Variants in MXRA8 observed in about 807,000 individuals in gnomAD.
MXRA8 encodes the protein matrix remodeling-associated protein 8.
A neutral mutation model predicts 51.4 loss-of-function variants in MXRA8; 44 were observed. That is an observed-to-expected ratio of 0.86 (90% CI 0.67 to 1.10). The LOEUF (loss-of-function observed/expected upper bound fraction) is 1.10. Ranked by LOEUF, MXRA8 falls within the 50% of genes least tolerant of loss-of-function variation. The pLI is 0.00. For synonymous variants in MXRA8, 369 were observed against 293.5 expected (o/e 1.26, Z -2.63); for missense variants, 765 against 638.9 (o/e 1.20, Z -2.13).
upstream of MXRA8, among the ~76,000 whole-genome samples, chr1:1,362,103 G>A (rs144372685): frequency 0.022 from 3,420 of 152,234 alleles, 63 homozygotes; most frequent in Non-Finnish European, 0.037. Flanking sequence ...CAGCGTCCCC[G>A]GCAGCCATGG....
In MXRA8 at chr1:1,353,205, A is replaced by G; in HGVS notation, c.*399T>C. 4 of 1,260,648 alleles carry G rather than the reference A, an allele frequency of 3.2e-6. No individual in the cohort carries two copies. The highest frequency in any genetic ancestry group is 4.5e-6 in the Non-Finnish European group (4 of 887,552). 78.1% of individuals were successfully genotyped at this position (1,260,648 alleles called of 1,614,324 possible). ...CTCCAGGAACATCTCCCAGCCCCCG[A>G]CGAGCAGAGCCCTGGAGGAGTGGGA... is the stretch of plus-strand genomic sequence containing the variant. On this transcript the variant is annotated 3_prime_UTR_variant, in exon 10 of 10. Transcript: ENST00000309212.
chr1:1,359,547 C>G, upstream of MXRA8: 1 of 985,384 alleles, frequency 1.0e-6, no homozygotes, highest in Non-Finnish European at 1.2e-6. Context: ...CCGAGGGCCC[C>G]AGCTGGGTGG....
At chr1:1,359,682 G>C (rs955095999), upstream of MXRA8, 17 of 648,484 alleles carry the variant, frequency 2.6e-5, no homozygotes, top group Non-Finnish European at 2.5e-5. Flanking sequence ...TGAGAGGAAC[G>C]GGCAGGACAC....
chr1:1,356,330 G>A (rs1644131241), intron 2 of MXRA8, among the ~76,000 whole-genome samples: 1 of 144,096 alleles, frequency 6.9e-6, no homozygotes, highest in Admixed American at 6.8e-5. Flanking sequence ...TGGGCCCCGA[G>A]GGCCCTGGTG....
In MXRA8 at chr1:1,355,060, GC is replaced by G; in HGVS notation, c.570del (p.His191ThrfsTer99). 6.2e-7 allele frequency: 1 copy of G among 1,603,532 alleles called. No homozygotes were observed. Among genetic ancestry groups the G allele is most frequent in the Non-Finnish European group, 8.5e-7 (1 of 1,176,932 alleles). ...TCCACGTGCCGGTCGGTCCACACGTGCCCGCGGTTCACGCAGGTCAGAAGCG... is the reference window on the plus strand; with the variant it reads ...TCCACGTGCCGGTCGGTCCACACGTGCCGCGGTTCACGCAGGTCAGAAGCG... Reference protein sequence around the residue: ...APALLTCVNRGHVWTDRHVEE... With the variant: ...APALLTCVNRXHVWTDRHVEE... On this transcript the variant is annotated frameshift_variant, in exon 5 of 10. Transcript: ENST00000309212. LOFTEE classifies it high-confidence loss of function.
Position 1,354,516 on chromosome 1 carries a change from G to A in MXRA8, c.950-7C>T, listed in dbSNP as rs1203123300. ...CCGCGCGCCAGTGTGGGGTCTGCGG[G>A]GAACGCGGGGTCGGGGCGGCGTCAG... On this transcript the variant is annotated splice_region_variant and splice_polypyrimidine_tract_variant and intron_variant, in intron 5 of 9. Coordinates refer to ENST00000309212, the MANE Select transcript of MXRA8 (RefSeq NM_032348.4). 5.0e-6 allele frequency: 8 copies of A among 1,610,112 alleles called. No homozygotes were observed. In the African/African-American group the frequency reaches 6.7e-5, roughly 13 times the overall value.
chr1:1,361,628 A>G, upstream of MXRA8: 4 of 386,454 alleles, frequency 1.0e-5, no homozygotes, highest in South Asian at 1.0e-4. Flanking sequence ...ACCAACACAG[A>G]CAGGGTTAGG....
upstream of MXRA8, among the ~76,000 whole-genome samples, chr1:1,361,071 AAC>A (rs1244552736): frequency 5.3e-5 from 8 of 152,198 alleles, no homozygotes; most frequent in South Asian, 2.1e-4. Context: ...TGGAAACACG[AAC>A]ACAGACATGC....
upstream of MXRA8, among the ~76,000 whole-genome samples, chr1:1,360,268 C>G (rs1012913151): frequency 6.6e-6 from 1 of 152,218 alleles, no homozygotes; most frequent in Non-Finnish European, 1.5e-5. Context: ...GGGCCCTGAC[C>G]TCTGAGAGGG....
chr1:1,355,184 GC>G, intron 4 of MXRA8, 32 bp from the exon 5 acceptor site: 1 of 1,402,766 alleles, frequency 7.1e-7, no homozygotes. Flanking sequence ...CGGCGCGCGG[GC>G]CGGGGCGGCG....
chr1:1,362,097 G>A (rs895864864), upstream of MXRA8, among the ~76,000 whole-genome samples: 19 of 152,136 alleles, frequency 1.2e-4, no homozygotes, highest in Admixed American at 8.5e-4. Flanking sequence ...CCTGACCAGC[G>A]TCCCCGGCAG....
chr1:1,361,526 G>A (rs913921959), upstream of MXRA8: 9 of 542,626 alleles, frequency 1.7e-5, no homozygotes, highest in Admixed American at 6.3e-5. Context: ...GCCTGAGGAC[G>A]CGGCTTCCAG....
At chr1:1,359,018 A>G (rs1644185992), upstream of MXRA8, 3 of 985,440 alleles carry the variant, frequency 3.0e-6, no homozygotes, top group South Asian at 9.4e-5. Flanking sequence ...GCTCTCCTTC[A>G]GACCAGATGG....
In MXRA8 at chr1:1,353,837, C is replaced by T. The variant is rs994215775; in HGVS notation, c.1303+11G>A. ...GCTCTGAGATGGGCTGAGGTCGCCC[C>T]CGCCGCTCACCTTTGTCTAGGTCGA... On this transcript the variant is annotated intron_variant, in intron 9 of 9. Transcript: ENST00000309212. The T allele has an allele frequency of 1.3e-6, 2 of 1,568,182 alleles. No homozygotes were observed. Among genetic ancestry groups the T allele is most frequent in the Non-Finnish European group, 1.7e-6 (2 of 1,155,934 alleles).
rs1372028994 is a variant in MXRA8, at chr1:1,355,556, G to A, written c.270C>T (p.Asp90=). 4 of 1,487,630 alleles carry A rather than the reference G, an allele frequency of 2.7e-6. No individual in the cohort carries two copies. Among genetic ancestry groups the A allele is most frequent in the African/African-American group, 1.5e-5 (1 of 68,638 alleles). 92.2% of individuals were successfully genotyped at this position (1,487,630 alleles called of 1,614,324 possible). ...PGGGPARRLL[D]LYSAGEQRVY... ...CGCGCTGCTCGCCCGCCGAGTACAA[G>A]TCCAGCAGGCGCCGCGCGGGGCCAC... is the stretch of plus-strand genomic sequence containing the variant. Residue 90 remains aspartate (D), a synonymous_variant, in exon 3 of 10, where the codon GAC becomes GAT. Transcript: ENST00000309212.
intron 1 of MXRA8, among the ~76,000 whole-genome samples, chr1:1,358,185 G>A (rs1459902431): frequency 6.6e-6 from 1 of 152,216 alleles, no homozygotes; most frequent in African/African-American, 2.4e-5. Context: ...TGCAGGAGGG[G>A]CCCCGAGGGA....
chr1:1,354,754 CG>C lies in MXRA8; in HGVS notation c.876del (p.Glu293AsnfsTer115). On this transcript the variant is annotated frameshift_variant, in exon 5 of 10. Coordinates refer to ENST00000309212, the MANE Select transcript of MXRA8 (RefSeq NM_032348.4). LOFTEE classifies it high-confidence loss of function. ...HERRVFHLTV[A>X]EPHAEPPPRG... ...CGGGGGGGCGGCTCCGCGTGGGGTTCGGCGACCGTCAGGTGGAAGACGCGGC... is the reference window on the plus strand; with the variant it reads ...CGGGGGGGCGGCTCCGCGTGGGGTTCGCGACCGTCAGGTGGAAGACGCGGC... 1 of 1,610,874 alleles carries C rather than the reference CG, an allele frequency of 6.2e-7. No homozygotes were observed. The highest frequency in any genetic ancestry group is 8.5e-7 in the Non-Finnish European group (1 of 1,179,178).
Position 1,353,379 on chromosome 1 carries a change from G to A in MXRA8, c.*225C>T, listed in dbSNP as rs1041129920. Reference sequence around the variant, plus strand: ...GTGGGATTTTGGTTGTGCCAGGGGTGGGCAGGGCCACCCGTGAGCAAAGGC... The same window carrying A: ...GTGGGATTTTGGTTGTGCCAGGGGTAGGCAGGGCCACCCGTGAGCAAAGGC... On this transcript the variant is annotated 3_prime_UTR_variant, in exon 10 of 10. Transcript: ENST00000309212. The A allele has an allele frequency of 6.5e-7, 1 of 1,543,790 alleles. No individual in the cohort carries two copies. Among genetic ancestry groups the A allele is most frequent in the Non-Finnish European group, 8.7e-7 (1 of 1,143,126 alleles).
rs1455744220 is a variant in MXRA8, at chr1:1,355,549, A to G, written c.277T>C (p.Ser93Pro). ...TCGTACACGCGCTGCTCGCCCGCCG[A>G]GTACAAGTCCAGCAGGCGCCGCGCG... ...GPARRLLDLY[S>P]AGEQRVYEAR... The change falls in exon 3 of 10, where the codon TCG becomes CCG. Residue 93 changes from serine (S) to proline (P), a missense_variant. Coordinates refer to ENST00000309212, the MANE Select transcript of MXRA8 (RefSeq NM_032348.4). 17 of 1,491,542 alleles carry G rather than the reference A, an allele frequency of 1.1e-5. No homozygotes were observed. Among genetic ancestry groups the G allele is most frequent in the Non-Finnish European group, 1.5e-5 (17 of 1,129,812 alleles). The allele number at this position is 1,491,542 out of a possible 1,614,324, so 92.4% of individuals were successfully genotyped here. A position where few individuals can be genotyped will look rare whatever the true frequency, so the allele number is the denominator to read the frequency against.
Sources: gnomAD v4.1 joint callset for allele counts (sites outside exome capture counted in the v4.1 genomes callset) on GRCh38, gnomAD v4.1.1 for gene constraint, MANE v1.5 for transcripts, NCBI Gene and HGNC (gene_info 2026-07-23, HGNC 2026-07-21) for gene names.